SLC26A4: variants seen among roughly 807,000 people sequenced by gnomAD.
The protein encoded by SLC26A4 is solute carrier family 26 member 4.
In SLC26A4, 93 loss-of-function variants were observed where a neutral mutation model predicts 90.4. That is an observed-to-expected ratio of 1.03 (90% CI 0.87 to 1.22). The LOEUF (loss-of-function observed/expected upper bound fraction) is 1.22. Ranked by LOEUF, SLC26A4 falls within the 50% of genes most tolerant of loss-of-function variation. The pLI, the probability that SLC26A4 is intolerant of heterozygous loss-of-function variation, is 0.00. For missense variants in SLC26A4, 1,127 were observed against 946.2 expected (o/e 1.19, Z -2.51); for synonymous variants, 393 against 354.6 (o/e 1.11, Z -1.22).
intron 6 of SLC26A4, 67 bp from the exon 7 acceptor site, chr7:107,683,135 T>A: frequency 8.9e-7 from 1 of 1,122,690 alleles, no homozygotes; most frequent in Non-Finnish European, 1.3e-6. Flanking sequence ...ATTGTGTGTG[T>A]GTGCGTGTGT....
At position 107,674,968 on chromosome 7, in the gene SLC26A4, T is replaced by C; in HGVS notation, c.624T>C (p.Ile208=). 6.2e-7 allele frequency: 1 copy of C among 1,614,082 alleles called. No individual in the cohort carries two copies. Among genetic ancestry groups the C allele is most frequent in the Non-Finnish European group, 8.5e-7 (1 of 1,180,014 alleles). The part of the protein sequence containing the change: ...IIQLIFGGLQ[I]GFIVRYLADP... ...AGTTGATATTTGGTGGCTTGCAGAT[T>C]GGATTCATAGTGAGGTACTTGGCAG... is the stretch of plus-strand genomic sequence containing the variant. The change falls in exon 6 of 21, where the codon ATT becomes ATC. Residue 208 remains isoleucine, a synonymous_variant. Coordinates refer to ENST00000644269, the MANE Select transcript of SLC26A4 (RefSeq NM_000441.2).
chr7:107,683,668 G>A (rs2395911), intron 8 of SLC26A4, 131 bp downstream of exon 8: 4 of 754,758 alleles, frequency 5.3e-6, no homozygotes, highest in Non-Finnish European at 8.7e-6. Context: ...TGTGTGATCT[G>A]GAAGAAACAA....
In SLC26A4 at chr7:107,700,116, T is replaced by C; in HGVS notation, c.1648T>C (p.Phe550Leu). Residue 550 changes from phenylalanine to leucine, a missense_variant, in exon 15 of 21, where the codon TTT becomes CTT. Physicochemically the swap from Phe to Leu is conservative, Grantham distance 22 (BLOSUM62 0). Coordinates refer to ENST00000644269, the MANE Select transcript of SLC26A4 (RefSeq NM_000441.2). ...ACCTCAAGGAGTGAAGATTCTTAGA[T>C]TTTCCAGTCCTATTTTCTATGGCAA... ...EEPQGVKILR[F>L]SSPIFYGNVD... is the part of the protein sequence containing the mutation. 1 of 1,591,858 alleles carries C rather than the reference T, an allele frequency of 6.3e-7. No homozygotes were observed. The highest frequency in any genetic ancestry group is 8.6e-7 in the Non-Finnish European group (1 of 1,159,792).
chr7:107,682,602 G>T (rs969247121), intron 6 of SLC26A4, among the ~76,000 whole-genome samples: 4 of 151,722 alleles, frequency 2.6e-5, no homozygotes, highest in African/African-American at 9.7e-5. Context: ...GTTTAGGAAA[G>T]AACTTTACCT....
chr7:107,714,116 G>C (rs918302836), intron 20 of SLC26A4, among the ~76,000 whole-genome samples: 1 of 151,934 alleles, frequency 6.6e-6, no homozygotes, highest in African/African-American at 2.4e-5. Context: ...AGTAGAGACA[G>C]GGTTTTGCCA....
chr7:107,670,661 T>C (rs867496686), intron 3 of SLC26A4, among the ~76,000 whole-genome samples: 11 of 152,144 alleles, frequency 7.2e-5, no homozygotes, highest in East Asian at 1.9e-4. Context: ...ATAAGTAATA[T>C]TGAGTGTGTG....
chr7:107,712,596 G>C lies in SLC26A4; in HGVS notation c.2293G>C (p.Glu765Gln). ...TLELIETELT[E>Q]EELDVQDEAM... The stretch of plus-strand genomic sequence containing the variant: ...TGAATTAATAGAAACAGAGCTGACG[G>C]AAGAAGAACTTGATGTCCAGGATGA... The change falls in exon 20 of 21, where the codon GAA becomes CAA. Residue 765 changes from glutamate (E) to glutamine (Q), a missense_variant. By Grantham distance (29) the Glu-to-Gln change is conservative. Coordinates refer to ENST00000644269, the MANE Select transcript of SLC26A4 (RefSeq NM_000441.2). The C allele has an allele frequency of 6.3e-7, 1 of 1,583,366 alleles. No individual in the cohort carries two copies. The highest frequency in any genetic ancestry group is 8.7e-7 in the Non-Finnish European group (1 of 1,152,050).
Position 107,701,209 on chromosome 7 carries a change from C to G in SLC26A4, c.1803+13C>G. ...AAGAGCAACAAAGGTGAGATGACAT[C>G]TTTCTTTTCCCCCTTAAATTATTTC... On this transcript the variant is annotated intron_variant, in intron 16 of 20. Transcript: ENST00000644269. The G allele has an allele frequency of 6.7e-7, 1 of 1,483,216 alleles. No individual in the cohort carries two copies. Among genetic ancestry groups the G allele is most frequent in the Middle Eastern group, 1.7e-4 (1 of 5,812 alleles). The allele number at this position is 1,483,216 out of a possible 1,614,324, so 91.9% of individuals were successfully genotyped here.
intron 20 of SLC26A4, among the ~76,000 whole-genome samples, chr7:107,713,909 GTATTAT>G (rs34694220): frequency 5.4e-5 from 8 of 148,970 alleles, no homozygotes; most frequent in Non-Finnish European, 7.4e-5. Flanking sequence ...ATTATTATTA[GTATTAT>G]TATTATTATT....
intron 10 of SLC26A4, chr7:107,693,708 T>A: frequency 5.0e-6 from 5 of 992,138 alleles, no homozygotes; most frequent in Non-Finnish European, 6.0e-6. Flanking sequence ...GTAAAGTTTC[T>A]GAAGCTTCCT....
chr7:107,685,939 C>CT (rs1791385049), intron 8 of SLC26A4, among the ~76,000 whole-genome samples: 1 of 152,182 alleles, frequency 6.6e-6, no homozygotes, highest in Non-Finnish European at 1.5e-5. Flanking sequence ...GCTCTGTCCT[C>CT]TAAATTTTAA....
chr7:107,661,523 C>CT lies in SLC26A4; in HGVS notation c.-3-116_-3-115insT. On this transcript the variant is annotated intron_variant, in intron 1 of 20. Transcript: ENST00000644269. This position sits in a 1 kb window ranked among gnomAD's most constrained non-coding sequence, Gnocchi z 5.1. Reference sequence around the variant, plus strand: ...CAGGACGCGGACCAGACTCGCGGTGCAGGGGGGCCTGGCTGCAGCTAACAG... The same window carrying CT: ...CAGGACGCGGACCAGACTCGCGGTGCTAGGGGGGCCTGGCTGCAGCTAACAG... The CT allele has an allele frequency of 8.5e-7, 1 of 1,173,186 alleles. No homozygotes were observed. The highest frequency in any genetic ancestry group is 1.3e-5 in the South Asian group (1 of 74,208). 72.7% of individuals were successfully genotyped at this position (1,173,186 alleles called of 1,614,324 possible). A position where few individuals can be genotyped will look rare whatever the true frequency, so the allele number is the denominator to read the frequency against.
intron 11 of SLC26A4, 58 bp from the exon 12 acceptor site, chr7:107,694,563 A>G (rs1791683881): frequency 3.9e-6 from 6 of 1,535,026 alleles, no homozygotes; most frequent in Middle Eastern, 1.7e-4. Flanking sequence ...AGATTTAACA[A>G]TCATCACATG....
chr7:107,703,217 T>C (rs546214310), intron 17 of SLC26A4, among the ~76,000 whole-genome samples: 6 of 152,292 alleles, frequency 3.9e-5, no homozygotes, highest in Admixed American at 2.0e-4. Context: ...GGACATCACC[T>C]GAAGCATCAA....
rs1220468151 is a variant in SLC26A4 at position 107,717,355 on chromosome 7, G to C, written c.*1909G>C. ...CACTCCAGCCTGGGCGACAGAGCAA[G>C]ACTCCGTCTCAAAAAAAAAAAAAAA... On this transcript the variant is annotated 3_prime_UTR_variant, in exon 21 of 21. Coordinates refer to ENST00000644269, the MANE Select transcript of SLC26A4 (RefSeq NM_000441.2). The C allele has an allele frequency of 1.0e-5, 1 of 96,680 alleles. No individual in the cohort carries two copies. Among genetic ancestry groups the C allele is most frequent in the African/African-American group, 4.3e-5 (1 of 23,200 alleles). The allele number at this position is 96,680 out of a possible 1,614,324, so 6.0% of individuals were successfully genotyped here. A position where few individuals can be genotyped will look rare whatever the true frequency, so the allele number is the denominator to read the frequency against.
intron 9 of SLC26A4, among the ~76,000 whole-genome samples, 180 bp from the exon 10 acceptor site, chr7:107,689,944 G>A (rs1791520518): frequency 6.6e-6 from 1 of 152,072 alleles, no homozygotes; most frequent in African/African-American, 2.4e-5. Context: ...AGATGGTATG[G>A]CGTCCAAACT....
At chr7:107,675,554 C>G (rs1360660590) in intron 6 of SLC26A4, among the ~76,000 whole-genome samples, 1 of 149,824 alleles carries the variant, frequency 6.7e-6, no homozygotes, top group Non-Finnish European at 1.5e-5. Flanking sequence ...CTGGGAGCAC[C>G]CACATTTCTT....
At chr7:107,683,924 C>G (rs1193365574) in intron 8 of SLC26A4, among the ~76,000 whole-genome samples, 1 of 152,148 alleles carries the variant, frequency 6.6e-6, no homozygotes, top group Non-Finnish European at 1.5e-5. Context: ...AATTCTCTAT[C>G]ATTTAGTTTA....
At chr7:107,690,311 G>A (rs1477315834) in intron 10 of SLC26A4, 74 bp downstream of exon 10, 6 of 904,146 alleles carry the variant, frequency 6.6e-6, no homozygotes, top group Middle Eastern at 2.1e-4. Context: ...GGCTCGCACC[G>A]AGCTTAGCAG....
Sources: allele counts gnomAD v4.1 joint callset (sites outside exome capture counted in the v4.1 genomes callset), GRCh38; gene constraint gnomAD v4.1.1; non-coding constraint Gnocchi (gnomAD v3.1); transcripts MANE v1.5; gene names NCBI Gene and HGNC (gene_info 2026-07-23, HGNC 2026-07-21).